STYX: variants seen among roughly 807,000 people sequenced by gnomAD.
The protein encoded by STYX is serine/threonine/tyrosine-interacting protein.
A neutral mutation model predicts 42.7 loss-of-function variants in STYX; 20 were observed. The observed-to-expected ratio is 0.47, with a 90% CI of 0.33 to 0.68. The LOEUF (loss-of-function observed/expected upper bound fraction) is 0.68, where lower values mean the gene tolerates loss of function less well. Ranked by LOEUF, STYX falls within the 30% of genes least tolerant of loss-of-function variation. STYX has a pLI of 0.02. For missense variants in STYX, 226 were observed against 268.5 expected (o/e 0.84, Z 1.11); for synonymous variants, 78 against 81.9 (o/e 0.95, Z 0.26).
chr14:52,740,987 G>A (rs867087158), intron 1 of STYX, among the ~76,000 whole-genome samples: 2 of 152,026 alleles, frequency 1.3e-5, no homozygotes, highest in South Asian at 4.2e-4. Flanking sequence ...GATACAAATG[G>A]AATCATGCAA....
intron 9 of STYX, among the ~76,000 whole-genome samples, chr14:52,766,412 G>A (rs2139935431): frequency 6.6e-6 from 1 of 152,190 alleles, no homozygotes; most frequent in East Asian, 1.9e-4. Context: ...CAGGTGATCT[G>A]CCTGCCTCGG....
At chr14:52,739,379 T>A (rs7143253) in intron 1 of STYX, among the ~76,000 whole-genome samples, 8 of 151,772 alleles carry the variant, frequency 5.3e-5, no homozygotes, top group African/African-American at 1.7e-4. Flanking sequence ...TCAAAAGTAC[T>A]CATTTCTTTA....
intron 3 of STYX, among the ~76,000 whole-genome samples, chr14:52,748,509 T>G (rs1881479965): frequency 1.3e-5 from 2 of 152,228 alleles, no homozygotes; most frequent in Admixed American, 1.3e-4. Flanking sequence ...TTTAGGGCCT[T>G]TGTAATTAGT....
At chr14:52,755,636 A>C (rs1424376588) in intron 4 of STYX, among the ~76,000 whole-genome samples, 1 of 152,044 alleles carries the variant, frequency 6.6e-6, no homozygotes, top group Non-Finnish European at 1.5e-5. Flanking sequence ...AATGCCTTTT[A>C]AGTATTTTGT....
intron 3 of STYX, among the ~76,000 whole-genome samples, 170 bp downstream of exon 3, chr14:52,746,649 AGTT>A (rs1193199956): frequency 6.6e-5 from 10 of 152,220 alleles, no homozygotes; most frequent in Non-Finnish European, 1.2e-4. Context: ...CTAGACCAGT[AGTT>A]CTCAAGTGTT....
chr14:52,730,622 C>A (rs886208244), intron 1 of STYX, 91 bp downstream of exon 1: 4 of 1,447,080 alleles, frequency 2.8e-6, no homozygotes, highest in Non-Finnish European at 2.8e-6. Flanking sequence ...TAGCCGCCAC[C>A]TGTACGGGCG....
chr14:52,733,085 A>G (rs1423389191), intron 1 of STYX, among the ~76,000 whole-genome samples: 2 of 152,218 alleles, frequency 1.3e-5, no homozygotes, highest in Non-Finnish European at 1.5e-5. Flanking sequence ...CTTACTGAAA[A>G]TAAGTGATGT....
At chr14:52,742,275 C>G (rs575760829) in intron 1 of STYX, among the ~76,000 whole-genome samples, 1 of 152,186 alleles carries the variant, frequency 6.6e-6, no homozygotes, top group African/African-American at 2.4e-5. Context: ...CCTAGTTTAT[C>G]TTTCACTGAG....
At chr14:52,759,823 G>A in intron 9 of STYX, 69 bp downstream of exon 9, 3 of 1,026,124 alleles carry the variant, frequency 2.9e-6, no homozygotes, top group South Asian at 1.4e-5. Flanking sequence ...TAATTTAGGT[G>A]TACAATTTAC....
intron 1 of STYX, among the ~76,000 whole-genome samples, chr14:52,731,260 A>C (rs1210039708): frequency 6.6e-6 from 1 of 152,158 alleles, no homozygotes; most frequent in Non-Finnish European, 1.5e-5. Flanking sequence ...CTGGAGGCTA[A>C]ATTAACAAGA....
rs1217894721 is a variant in STYX, at chr14:52,746,409, A to AT, written c.91-17_91-16insT. The AT allele has an allele frequency of 3.2e-6, 5 of 1,549,248 alleles. No individual in the cohort carries two copies. Among genetic ancestry groups the AT allele is most frequent in the Admixed American group, 4.5e-5 (2 of 44,480 alleles). On this transcript the variant is annotated splice_polypyrimidine_tract_variant and intron_variant, in intron 2 of 10. Coordinates refer to ENST00000354586, the MANE Select transcript of STYX (RefSeq NM_145251.4). ...TAAATTGCTGATGGTAAATACCTCA[A>AT]ATTTTTTTTTTTCTAGGAAATTTTA...
At chr14:52,736,685 A>T (rs757309967) in intron 1 of STYX, among the ~76,000 whole-genome samples, 41 of 151,932 alleles carry the variant, frequency 2.7e-4, no homozygotes, top group Non-Finnish European at 4.0e-4. Context: ...TTTAACCCTT[A>T]CTCTAGAGTA....
In STYX at chr14:52,771,392, A is replaced by G. The variant is rs369489399; in HGVS notation, c.*286A>G. ...AAGAATTTTGGACTTGCAAAGAGGT[A>G]TTATTGCAATAATGCACTTTTCATA... On this transcript the variant is annotated 3_prime_UTR_variant, in exon 11 of 11. Coordinates refer to ENST00000354586, the MANE Select transcript of STYX (RefSeq NM_145251.4). The G allele has an allele frequency of 4.9e-5, 13 of 262,874 alleles. No homozygotes were observed. The highest frequency in any genetic ancestry group is 2.7e-4 in the East Asian group (4 of 14,610). The allele number at this position is 262,874 out of a possible 1,614,324, so 16.3% of individuals were successfully genotyped here.
At chr14:52,743,847 G>A (rs987409445) in intron 1 of STYX, among the ~76,000 whole-genome samples, 2 of 151,920 alleles carry the variant, frequency 1.3e-5, no homozygotes, top group Non-Finnish European at 2.9e-5. Flanking sequence ...TTTTTTAGAC[G>A]GGGTCTCAGT....
rs1007261784 is a variant in STYX, at chr14:52,773,174, T to C, written c.*2068T>C. 3 of 152,148 alleles carry C rather than the reference T, an allele frequency of 2.0e-5. No individual in the cohort carries two copies. Among genetic ancestry groups the C allele is most frequent in the Non-Finnish European group, 2.9e-5 (2 of 68,042 alleles). The allele number at this position is 152,148 out of a possible 1,614,324, so 9.4% of individuals were successfully genotyped here. On this transcript the variant is annotated 3_prime_UTR_variant, in exon 11 of 11. Transcript: ENST00000354586. ...CCAAAAGAACAGATTTTGTTATTGA[T>C]AATTTGTAGCTGGTAATTTTCCACA...
At chr14:52,737,717 C>T (rs371156784) in intron 1 of STYX, among the ~76,000 whole-genome samples, 35 of 152,182 alleles carry the variant, frequency 2.3e-4, no homozygotes, top group Non-Finnish European at 2.8e-4. Context: ...TGTGTTCAGA[C>T]GGATGTGTGG....
At chr14:52,769,361 C>T (rs17125746) in intron 10 of STYX, among the ~76,000 whole-genome samples, 15,796 of 152,094 alleles carry the variant, frequency 0.1, 873 homozygotes, top group South Asian at 0.15. Flanking sequence ...CTTCCTTTCC[C>T]AAGACCTTGC....
At chr14:52,749,184 A>G (rs540795816) in intron 3 of STYX, among the ~76,000 whole-genome samples, 1 of 152,276 alleles carries the variant, frequency 6.6e-6, no homozygotes, top group East Asian at 1.9e-4. Context: ...CACGGCCAAG[A>G]GAACGAGTTC....
At position 52,774,911 on chromosome 14, in the gene STYX, G is replaced by T. The variant is rs937115529; in HGVS notation, c.*3805G>T. On this transcript the variant is annotated 3_prime_UTR_variant, in exon 11 of 11. Transcript: ENST00000354586. ...AATGTCACAGTGCAAGATGCTGCTA[G>T]CCCAGGCACAAAGTATTAAAATTAT... is the stretch of plus-strand genomic sequence containing the variant. 5.3e-5 allele frequency: 8 copies of T among 152,132 alleles called. No homozygotes were observed. Among genetic ancestry groups the T allele is most frequent in the African/African-American group, 1.9e-4 (8 of 41,444 alleles). 9.4% of individuals were successfully genotyped at this position (152,132 alleles called of 1,614,324 possible). A position where few individuals can be genotyped will look rare whatever the true frequency, so the allele number is the denominator to read the frequency against.
Sources: allele counts gnomAD v4.1 joint callset (sites outside exome capture counted in the v4.1 genomes callset), GRCh38; gene constraint gnomAD v4.1.1; transcripts MANE v1.5; gene names NCBI Gene and HGNC (gene_info 2026-07-23, HGNC 2026-07-21).